PPM1H: variants seen among roughly 807,000 people sequenced by gnomAD.
The protein encoded by PPM1H is protein phosphatase, Mg2+/Mn2+ dependent 1H.
A neutral mutation model predicts 54.9 loss-of-function variants in PPM1H; 27 were observed. That is an observed-to-expected ratio of 0.49 (90% CI 0.36 to 0.68). PPM1H has a LOEUF of 0.68. PPM1H is among the 30% of genes least tolerant of loss of function. PPM1H has a pLI of 0.00. For synonymous variants in PPM1H, 305 were observed against 270.8 expected, an observed-to-expected ratio of 1.13 and a Z score of -1.24; for missense variants, 596 against 667.8, an observed-to-expected ratio of 0.89 and a Z score of 1.19.
chr12:62,655,977 C>T (rs544240664), intron 9 of PPM1H, among the ~76,000 whole-genome samples: 7 of 152,234 alleles, frequency 4.6e-5, no homozygotes, highest in South Asian at 2.1e-4. Context: ...AGGCTCTGAG[C>T]GGGAGGGAGC....
chr12:62,699,353 C>A (rs528602000), intron 6 of PPM1H, among the ~76,000 whole-genome samples: 1 of 152,142 alleles, frequency 6.6e-6, no homozygotes, highest in Non-Finnish European at 1.5e-5. Flanking sequence ...TGCGCCACTA[C>A]CCCCAGCTAA....
chr12:62,918,593 C>A (rs1014184524), intron 1 of PPM1H, among the ~76,000 whole-genome samples: 10 of 152,062 alleles, frequency 6.6e-5, no homozygotes, highest in Admixed American at 6.6e-4. Flanking sequence ...TTAGGAAAGT[C>A]CATTTTGAGT....
At chr12:62,814,119 A>C (rs929096555) in intron 2 of PPM1H, among the ~76,000 whole-genome samples, 2 of 152,130 alleles carry the variant, frequency 1.3e-5, no homozygotes, top group Non-Finnish European at 2.9e-5. Flanking sequence ...TTGCTCTGTC[A>C]CCCAAGCTGG....
chr12:62,717,050 C>T (rs57163227), intron 6 of PPM1H, among the ~76,000 whole-genome samples: 11,950 of 152,174 alleles, frequency 0.079, 540 homozygotes, highest in African/African-American at 0.093. Context: ...TCTGGCTCAC[C>T]GCACCCTCGA....
At chr12:62,773,103 G>T (rs1211590099) in intron 4 of PPM1H, among the ~76,000 whole-genome samples, 1 of 152,138 alleles carries the variant, frequency 6.6e-6, no homozygotes, top group African/African-American at 2.4e-5. Context: ...AGCCGAGATG[G>T]TGCCACTGCA....
chr12:62,778,747 G>A (rs2076624957), intron 4 of PPM1H, among the ~76,000 whole-genome samples: 1 of 152,010 alleles, frequency 6.6e-6, no homozygotes, highest in Admixed American at 6.6e-5. Flanking sequence ...CACAGGTCCA[G>A]TATAGTGAGA....
At chr12:62,761,887 T>C (rs564400915) in intron 4 of PPM1H, among the ~76,000 whole-genome samples, 1 of 152,322 alleles carries the variant, frequency 6.6e-6, no homozygotes, top group South Asian at 2.1e-4. Flanking sequence ...GACTGACCTC[T>C]GCAGACTGGT....
chr12:62,718,329 A>T (rs2076246428), intron 6 of PPM1H, among the ~76,000 whole-genome samples: 1 of 152,158 alleles, frequency 6.6e-6, no homozygotes. Context: ...CCCTCTATTT[A>T]GGCCTCGAGA....
intron 9 of PPM1H, among the ~76,000 whole-genome samples, chr12:62,649,213 ATT>A (rs1437895358): frequency 6.7e-6 from 1 of 149,660 alleles, no homozygotes; most frequent in Non-Finnish European, 1.5e-5. Flanking sequence ...TTTTTTTTTA[ATT>A]TATTTAATTT....
rs1421624772 is a variant in PPM1H, at chr12:62,831,055, A to G, written c.411+1059T>C. The stretch of plus-strand genomic sequence containing the variant: ...TTTTTAGTAGAGATGGGGTTTCACC[A>G]TGTTAGCCAGGATGGTCTGGATCTC... On this transcript the variant is annotated intron_variant, in intron 2 of 9. Transcript: ENST00000228705. 4.0e-5 allele frequency among the ~76,000 whole-genome samples: 6 copies of G among 151,040 alleles called. No individual in the cohort carries two copies. The East Asian group carries it at 5.9e-4, about 15-fold the overall frequency.
At chr12:62,882,312 G>A (rs1870425385) in intron 1 of PPM1H, among the ~76,000 whole-genome samples, 1 of 152,262 alleles carries the variant, frequency 6.6e-6, no homozygotes, top group Non-Finnish European at 1.5e-5. Context: ...ACCAGATTGA[G>A]TAGCTACGCA....
intron 9 of PPM1H, among the ~76,000 whole-genome samples, chr12:62,651,382 G>A (rs1427909444): frequency 6.6e-6 from 1 of 152,132 alleles, no homozygotes; most frequent in Non-Finnish European, 1.5e-5. Flanking sequence ...GGCCTCAACA[G>A]GTCCTGCAGT....
chr12:62,861,398 T>C (rs1375983587), intron 1 of PPM1H, among the ~76,000 whole-genome samples: 1 of 152,268 alleles, frequency 6.6e-6, no homozygotes, highest in Non-Finnish European at 1.5e-5. Flanking sequence ...AACAGTTTCA[T>C]TTAAACTACA....
intron 4 of PPM1H, among the ~76,000 whole-genome samples, chr12:62,770,634 T>A (rs1235436151): frequency 2.0e-5 from 3 of 152,040 alleles, no homozygotes; most frequent in African/African-American, 7.2e-5. Flanking sequence ...CTGGTGGCAA[T>A]GATGACCTGC....
chr12:62,709,172 C>T (rs1271815332), intron 6 of PPM1H, among the ~76,000 whole-genome samples: 2 of 152,162 alleles, frequency 1.3e-5, no homozygotes, highest in Non-Finnish European at 2.9e-5. Context: ...TGTTATCTAG[C>T]TGATACACAC....
intron 1 of PPM1H, among the ~76,000 whole-genome samples, chr12:62,925,419 A>G (rs1241183859): frequency 6.6e-6 from 1 of 152,138 alleles, no homozygotes; most frequent in Non-Finnish European, 1.5e-5. Context: ...CCCTACTAAA[A>G]ATACAAAAAT....
At chr12:62,897,188 A>G (rs1468749587) in intron 1 of PPM1H, among the ~76,000 whole-genome samples, 1 of 152,052 alleles carries the variant, frequency 6.6e-6, no homozygotes, top group African/African-American at 2.4e-5. Context: ...AACATGGCAC[A>G]TGTATACATA....
chr12:62,725,607 A>G (rs571851262), intron 5 of PPM1H, among the ~76,000 whole-genome samples: 1 of 152,284 alleles, frequency 6.6e-6, no homozygotes, highest in East Asian at 1.9e-4. Context: ...TAGGTCTTCA[A>G]TTTCTCATAA....
intron 9 of PPM1H, among the ~76,000 whole-genome samples, chr12:62,660,942 G>A (rs1404117077): frequency 6.6e-6 from 1 of 152,202 alleles, no homozygotes; most frequent in African/African-American, 2.4e-5. Flanking sequence ...CTTCCTGGTT[G>A]TGAATCATAA....
Sources: allele counts gnomAD v4.1 joint callset (sites outside exome capture counted in the v4.1 genomes callset), GRCh38; gene constraint gnomAD v4.1.1; transcripts MANE v1.5; gene names NCBI Gene and HGNC (gene_info 2026-07-23, HGNC 2026-07-21).